ELAPOR1: variants seen among roughly 807,000 people sequenced by gnomAD.
The protein encoded by ELAPOR1 is endosome/lysosome-associated apoptosis and autophagy regulator 1.
In ELAPOR1, 77 loss-of-function variants were observed where a neutral mutation model predicts 119.7. That is an observed-to-expected ratio of 0.64 (90% CI 0.54 to 0.78). The LOEUF is 0.78. Ranked by LOEUF, ELAPOR1 falls within the 30% of genes least tolerant of loss-of-function variation. The pLI is 0.00. For synonymous variants in ELAPOR1, 481 were observed against 487.2 expected, an observed-to-expected ratio of 0.99 and a Z score of 0.17; for missense variants, 1,115 against 1,270.4, an observed-to-expected ratio of 0.88 and a Z score of 1.86.
chr1:109,172,453 G>T, intron 4 of ELAPOR1, 35 bp from the exon 5 acceptor site: 1 of 1,513,074 alleles, frequency 6.6e-7, no homozygotes, highest in Non-Finnish European at 9.2e-7. Flanking sequence ...TCCTTAGAAA[G>T]CTGAGACTCT....
chr1:109,125,433 G>A (rs149010567), intron 1 of ELAPOR1, among the ~76,000 whole-genome samples: 68 of 149,586 alleles, frequency 4.5e-4, no homozygotes, highest in Non-Finnish European at 6.8e-4. Context: ...GTCTTGCTCC[G>A]TCGCCAGGCT....
chr1:109,195,066 C>A (rs598875), intron 15 of ELAPOR1, among the ~76,000 whole-genome samples: 1 of 151,950 alleles, frequency 6.6e-6, no homozygotes, highest in African/African-American at 2.4e-5. Context: ...GCTGAGATTG[C>A]GCCATTGCAC....
chr1:109,144,061 A>ATATATATATATATATATTTTT, intron 1 of ELAPOR1, among the ~76,000 whole-genome samples: 2 of 89,012 alleles, frequency 2.2e-5, no homozygotes, highest in African/African-American at 9.6e-5. Context: ...ATATTTATAT[A>ATATATATATATATATATTTTT]TTTTTTTTTT....
At chr1:109,179,669 G>A (rs1652578580) in intron 7 of ELAPOR1, among the ~76,000 whole-genome samples, 1 of 152,138 alleles carries the variant, frequency 6.6e-6, no homozygotes. Flanking sequence ...ACTTTGGGAG[G>A]CTGAGGCAGG....
intron 7 of ELAPOR1, among the ~76,000 whole-genome samples, chr1:109,183,625 C>T (rs773660714): frequency 8.5e-4 from 58 of 67,968 alleles, no homozygotes; most frequent in South Asian, 1.9e-3. Flanking sequence ...TCCCTCCTTC[C>T]TTCCTTCCTT....
At chr1:109,157,956 C>T (rs180713371) in intron 1 of ELAPOR1, among the ~76,000 whole-genome samples, 7 of 152,166 alleles carry the variant, frequency 4.6e-5, no homozygotes, top group Admixed American at 6.5e-5. Context: ...GGTACAATCA[C>T]GGCTCACTGC....
At chr1:109,136,586 C>T (rs1427592859) in intron 1 of ELAPOR1, among the ~76,000 whole-genome samples, 1 of 152,166 alleles carries the variant, frequency 6.6e-6, no homozygotes, top group African/African-American at 2.4e-5. Flanking sequence ...GAACATCCCT[C>T]GCGAACAGGG....
At chr1:109,157,947 G>A (rs974626174) in intron 1 of ELAPOR1, among the ~76,000 whole-genome samples, 1 of 152,156 alleles carries the variant, frequency 6.6e-6, no homozygotes, top group Non-Finnish European at 1.5e-5. Context: ...GAATGTAGTG[G>A]TACAATCACG....
intron 1 of ELAPOR1, among the ~76,000 whole-genome samples, chr1:109,121,595 T>C (rs1457291294): frequency 1.3e-5 from 2 of 152,174 alleles, no homozygotes; most frequent in Non-Finnish European, 2.9e-5. Flanking sequence ...TCCCTTTACA[T>C]TCAGGATGAA....
intron 11 of ELAPOR1, among the ~76,000 whole-genome samples, chr1:109,190,532 T>C (rs1337744327): frequency 6.6e-6 from 1 of 152,228 alleles, no homozygotes; most frequent in Non-Finnish European, 1.5e-5. Context: ...ACACCTTCAT[T>C]TCCTTCTTCG....
chr1:109,164,712 A>T, intron 3 of ELAPOR1, 21 bp downstream of exon 3: 1 of 1,590,124 alleles, frequency 6.3e-7, no homozygotes, highest in Non-Finnish European at 8.6e-7. Context: ...ACACACCCCC[A>T]CCCCACCCCC....
At position 109,192,658 on chromosome 1, in the gene ELAPOR1, C is replaced by G. The variant is rs757723211; in HGVS notation, c.1731C>G (p.Val577=). 6.2e-7 allele frequency: 1 copy of G among 1,614,168 alleles called. No individual in the cohort carries two copies. The highest frequency in any genetic ancestry group is 8.5e-7 in the Non-Finnish European group (1 of 1,180,016). ...TTGCCAAGATCTACTCCATCAATGT[C>G]ACCAATGTTATGAATGGTGTGGCCT... is the stretch of plus-strand genomic sequence containing the variant. The part of the protein sequence containing the change: ...NDVAKIYSIN[V]TNVMNGVASY... The change falls in exon 14 of 22, where the codon GTC becomes GTG. Residue 577 remains valine, a synonymous_variant. Coordinates refer to ENST00000369939, the MANE Select transcript of ELAPOR1 (RefSeq NM_020775.5).
intron 11 of ELAPOR1, 71 bp downstream of exon 11, chr1:109,189,753 T>G: frequency 1.7e-6 from 2 of 1,190,748 alleles, no homozygotes. Context: ...TTTTGGAATA[T>G]TGTAGAGGAG....
intron 21 of ELAPOR1, among the ~76,000 whole-genome samples, chr1:109,202,315 T>TC (rs1249361911): frequency 6.6e-6 from 1 of 151,996 alleles, no homozygotes; most frequent in African/African-American, 2.4e-5. Context: ...AGACAGGGTT[T>TC]CACCATGTTG....
At chr1:109,188,914 A>T in intron 9 of ELAPOR1, 152 bp from the exon 10 acceptor site, 1 of 778,658 alleles carries the variant, frequency 1.3e-6, no homozygotes, top group Non-Finnish European at 2.1e-6. Flanking sequence ...AATGTTTTTG[A>T]GTCAACTTGA....
intron 7 of ELAPOR1, among the ~76,000 whole-genome samples, chr1:109,184,803 C>T (rs528437906): frequency 1.8e-4 from 27 of 152,196 alleles, no homozygotes; most frequent in Non-Finnish European, 2.8e-4. Flanking sequence ...GGACGGGAAG[C>T]GGCAAACAGT....
rs77786722 is a variant in ELAPOR1, at chr1:109,197,683, T to A, written c.2302+29T>A. On this transcript the variant is annotated intron_variant, in intron 16 of 21. Coordinates refer to ENST00000369939, the MANE Select transcript of ELAPOR1 (RefSeq NM_020775.5). ...AGTAACTCCGCTGCCTCAGCCTTGT[T>A]TGAGAGTGTGTGTGTGTGTGTGTGT... 14 of 1,296,366 alleles carry A rather than the reference T, an allele frequency of 1.1e-5. No homozygotes were observed. The South Asian group carries it at 1.6e-4, about 15-fold the overall frequency. 80.3% of individuals were successfully genotyped at this position (1,296,366 alleles called of 1,614,324 possible). A position where few individuals can be genotyped will look rare whatever the true frequency, so the allele number is the denominator to read the frequency against.
intron 5 of ELAPOR1, among the ~76,000 whole-genome samples, chr1:109,172,801 G>A (rs1295312350): frequency 6.6e-6 from 1 of 152,148 alleles, no homozygotes; most frequent in East Asian, 1.9e-4. Context: ...CCAGCTTTAA[G>A]ACTGGGTCTT....
chr1:109,196,930 C>G (rs1300683914), intron 15 of ELAPOR1, among the ~76,000 whole-genome samples: 1 of 152,186 alleles, frequency 6.6e-6, no homozygotes, highest in Non-Finnish European at 1.5e-5. Context: ...ATCCACCTGC[C>G]TCGGCCTTCC....
Sources: allele counts gnomAD v4.1 joint callset (sites outside exome capture counted in the v4.1 genomes callset), GRCh38; gene constraint gnomAD v4.1.1; transcripts MANE v1.5; gene names NCBI Gene and HGNC (gene_info 2026-07-23, HGNC 2026-07-21).